Variants in SLC66A2 observed in about 807,000 individuals in gnomAD.
SLC66A2 encodes PQ loop repeat containing 1.
SLC66A2 carries 23 observed loss-of-function variants against 25.5 expected under a neutral mutation model. The observed-to-expected ratio is 0.90, with a 90% CI of 0.65 to 1.28. SLC66A2 has a LOEUF of 1.28. Ranked by LOEUF, SLC66A2 falls within the 50% of genes most tolerant of loss-of-function variation. The pLI, the probability that SLC66A2 is intolerant of heterozygous loss-of-function variation, is 0.00. For synonymous variants in SLC66A2, 193 were observed against 166.5 expected, an observed-to-expected ratio of 1.16 and a Z score of -1.23; for missense variants, 396 against 373.1, an observed-to-expected ratio of 1.06 and a Z score of -0.51.
rs12953501 is a variant in SLC66A2 at position 79,917,393 on chromosome 18, C to T, written c.608+1791G>A. On this transcript the variant is annotated intron_variant, in intron 5 of 5. Coordinates refer to ENST00000397778, the MANE Select transcript of SLC66A2 (RefSeq NM_025078.5). The surrounding 1 kb of genome is among the most constrained non-coding windows in gnomAD (Gnocchi z 6.0). ...AGCTCCTTGTGAGGGGCCAGGAGGC[C>T]GGCATGTGGGGTCCGGATCCGCTAG... Among the ~76,000 whole-genome samples the T allele has an allele frequency of 0.042, 6,366 of 152,264 alleles. 193 individuals are homozygous for T. The highest frequency in any genetic ancestry group is 0.061 in the Non-Finnish European group (4,156 of 67,972).
At position 79,917,011 on chromosome 18, in the gene SLC66A2, C is replaced by T. The variant is rs370554982; in HGVS notation, c.608+2173G>A. On this transcript the variant is annotated intron_variant, in intron 5 of 5. Coordinates refer to ENST00000397778, the MANE Select transcript of SLC66A2 (RefSeq NM_025078.5). The surrounding 1 kb of genome is among the most constrained non-coding windows in gnomAD (Gnocchi z 6.0). ...GACTGCCTGCTCGGTGCTGGGGAGA[C>T]GCCTGCACATGGAAGTGTGTGTGCT... 1.4e-4 allele frequency among the ~76,000 whole-genome samples: 21 copies of T among 152,354 alleles called. No individual in the cohort carries two copies. Among genetic ancestry groups the T allele is most frequent in the African/African-American group, 3.6e-4 (15 of 41,590 alleles).
At chr18:79,922,309 C>T (rs1251733260) in intron 4 of SLC66A2, among the ~76,000 whole-genome samples, 12 of 151,346 alleles carry the variant, frequency 7.9e-5, no homozygotes. Context: ...AAGCTAAAAT[C>T]CTTCAAATTA....
At position 79,950,853 on chromosome 18, in the gene SLC66A2, A is replaced by G. The variant is rs983067581; in HGVS notation, c.74T>C (p.Met25Thr). 2.5e-6 allele frequency: 4 copies of G among 1,610,738 alleles called. No homozygotes were observed. The highest frequency in any genetic ancestry group is 3.4e-6 in the Non-Finnish European group (4 of 1,179,116). Residue 25 changes from methionine (M) to threonine (T), a missense_variant, in exon 2 of 6, where the codon ATG (methionine) becomes ACG (threonine). Met to Thr is a moderately conservative substitution (Grantham distance 81). Coordinates refer to ENST00000397778, the MANE Select transcript of SLC66A2 (RefSeq NM_025078.5). Reference protein sequence around the residue: ...QLVSWGAAAAMVFGGVVPYVP... With the variant: ...QLVSWGAAAATVFGGVVPYVP... Reference sequence around the variant, plus strand: ...GTAGGGCACCACCCCTCCGAAGACCATGGCCGCGGCCGCGCCCCAGGACAC... The same window carrying G: ...GTAGGGCACCACCCCTCCGAAGACCGTGGCCGCGGCCGCGCCCCAGGACAC...
chr18:79,909,879 C>T (rs1328902240), intron 5 of SLC66A2, among the ~76,000 whole-genome samples: 1 of 143,452 alleles, frequency 7.0e-6, no homozygotes, highest in Non-Finnish European at 1.5e-5. Context: ...ACAGAGTCCC[C>T]AACCTTCCCC....
Position 79,937,409 on chromosome 18 carries a change from G to A in SLC66A2, c.338-3387C>T, listed in dbSNP as rs1012968268. On this transcript the variant is annotated intron_variant, in intron 3 of 5. Transcript: ENST00000397778. The surrounding 1 kb of genome is among the most constrained non-coding windows in gnomAD (Gnocchi z 5.4). ...GTAATAATCCAGTAACACACCAAAC[G>A]TCCAACTCACATGTTCAGAATGACT... Among the ~76,000 whole-genome samples the A allele has an allele frequency of 3.3e-5, 5 of 152,246 alleles. No homozygotes were observed. The highest frequency in any genetic ancestry group is 1.2e-4 in the African/African-American group (5 of 41,538).
rs567750122 is a variant in SLC66A2 at position 79,909,890 on chromosome 18, A to AC, written c.609-5708dup. Among the ~76,000 whole-genome samples the AC allele has an allele frequency of 9.4e-5, 9 of 96,084 alleles. No individual in the cohort carries two copies. The South Asian group carries it at 1.6e-3, about 17-fold the overall frequency. 63.0% of individuals were successfully genotyped at this position (96,084 alleles called of 152,430 possible). On this transcript the variant is annotated intron_variant, in intron 5 of 5. Coordinates refer to ENST00000397778, the MANE Select transcript of SLC66A2 (RefSeq NM_025078.5). ...CACCACAGAGTCCCCAACCTTCCCC[A>AC]CACCCTCACCATAGAGTCCCCAACC...
rs564745851 is a variant in SLC66A2 at position 79,926,681 on chromosome 18, T to C, written c.392-7281A>G. Among the ~76,000 whole-genome samples the C allele has an allele frequency of 2.2e-3, 334 of 151,624 alleles. 1 individual carries two copies. The highest frequency in any genetic ancestry group is 4.4e-3 in the Non-Finnish European group (296 of 67,872). ...TGCTCTTTTTTTTTTTTCATGATTC[T>C]TGTATGAATTCTAATTAAGAAACAT... On this transcript the variant is annotated intron_variant, in intron 4 of 5. Transcript: ENST00000397778.
chr18:79,939,536 A>C (rs895968741), intron 3 of SLC66A2, among the ~76,000 whole-genome samples: 7 of 152,264 alleles, frequency 4.6e-5, no homozygotes, highest in African/African-American at 1.7e-4. Context: ...TAAATTTACA[A>C]GAAAAAAATG....
At chr18:79,905,781 C>T (rs1262696859) in intron 5 of SLC66A2, among the ~76,000 whole-genome samples, 3 of 152,234 alleles carry the variant, frequency 2.0e-5, no homozygotes, top group Non-Finnish European at 4.4e-5. Context: ...GGCTACTTCC[C>T]ACACAAAGCC....
rs1568283747 is a variant in SLC66A2, at chr18:79,903,685, G to T, written c.*291C>A. On this transcript the variant is annotated 3_prime_UTR_variant, in exon 6 of 6. Transcript: ENST00000397778. ...CCAATGTGTACCTTGGGCTCAGACG[G>T]TGTTTCATAAGAGGAAATGGGGAAA... 2 of 439,398 alleles carry T rather than the reference G, an allele frequency of 4.6e-6. No homozygotes were observed. The highest frequency in any genetic ancestry group is 8.0e-6 in the Non-Finnish European group (2 of 249,706). The allele number at this position is 439,398 out of a possible 1,614,324, so 27.2% of individuals were successfully genotyped here.
chr18:79,914,316 C>G (rs745828179), intron 5 of SLC66A2, among the ~76,000 whole-genome samples: 2 of 152,214 alleles, frequency 1.3e-5, no homozygotes, highest in Non-Finnish European at 2.9e-5. Flanking sequence ...ATCTATCAAA[C>G]CTGCATTCAG....
intron 5 of SLC66A2, among the ~76,000 whole-genome samples, chr18:79,916,256 A>ACCT (rs1984123069): frequency 6.4e-5 from 3 of 46,844 alleles, no homozygotes; most frequent in Non-Finnish European, 1.2e-4. Flanking sequence ...GTGCTCTCAT[A>ACCT]GCCGCAGTGC....
In SLC66A2 at chr18:79,950,814, C is replaced by T. The variant is rs1478293523; in HGVS notation, c.113G>A (p.Arg38Gln). ...GGVVPYVPQY[R>Q]DIRRTQNADG... is the part of the protein sequence containing the mutation. ...GGCGTTCTGCGTCCTGCGAATGTCC[C>T]GATACTGCGGGACGTAGGGCACCAC... The change falls in exon 2 of 6, where the codon CGG becomes CAG. Residue 38 changes from arginine (R) to glutamine (Q), a missense_variant. Coordinates refer to ENST00000397778, the MANE Select transcript of SLC66A2 (RefSeq NM_025078.5). The T allele has an allele frequency of 1.2e-6, 2 of 1,612,852 alleles. No individual in the cohort carries two copies. Among genetic ancestry groups the T allele is most frequent in the African/African-American group, 2.7e-5 (2 of 74,946 alleles).
intron 4 of SLC66A2, among the ~76,000 whole-genome samples, chr18:79,922,785 T>A (rs1221160791): frequency 2.5e-5 from 3 of 117,824 alleles, no homozygotes; most frequent in African/African-American, 9.5e-5. Flanking sequence ...TGGGAGGCGG[T>A]GAGGTCGAGG....
chr18:79,948,621 G>C (rs1396859272), intron 2 of SLC66A2, among the ~76,000 whole-genome samples: 1 of 152,140 alleles, frequency 6.6e-6, no homozygotes, highest in Non-Finnish European at 1.5e-5. Context: ...AATTACAGGA[G>C]CGGGCCACCG....
rs111375802 is a variant in SLC66A2, at chr18:79,933,867, C to T, written c.391+102G>A. The T allele has an allele frequency of 6.6e-5, 66 of 992,954 alleles. 1 individual carries two copies. Among genetic ancestry groups the T allele is most frequent in the African/African-American group, 5.0e-4 (31 of 62,402 alleles). The allele number at this position is 992,954 out of a possible 1,614,324, so 61.5% of individuals were successfully genotyped here. ...ACTCGGCCACGCTTGGTAAAGATGACGCACGCACATGCACAGATGGAAGCA... is the reference window on the plus strand; with the variant it reads ...ACTCGGCCACGCTTGGTAAAGATGATGCACGCACATGCACAGATGGAAGCA... On this transcript the variant is annotated intron_variant, in intron 4 of 5. Transcript: ENST00000397778.
intron 3 of SLC66A2, among the ~76,000 whole-genome samples, chr18:79,943,021 G>A (rs1464283711): frequency 6.6e-6 from 1 of 152,214 alleles, no homozygotes; most frequent in Middle Eastern, 3.2e-3. Context: ...GCCAGGCACA[G>A]ATGAGCACTT....
chr18:79,922,911 T>C (rs1207202190), intron 4 of SLC66A2, among the ~76,000 whole-genome samples: 1 of 150,360 alleles, frequency 6.7e-6, no homozygotes, highest in East Asian at 2.0e-4. Context: ...GGGGGCCGGC[T>C]GCCTGTGGGG....
rs565426699 is a variant in SLC66A2 at position 79,943,452 on chromosome 18, G to T, written c.214C>A (p.Arg72Ser). ...TGCCACAGCAGCGGGGACTCAAAGC[G>T]CCTTCCAAACCTGCGGGAGAGACAC... ...ILRILFWFGRRFESPLLWQSA... is the reference protein window; with the variant it reads ...ILRILFWFGRSFESPLLWQSA... The change falls in exon 3 of 6, where the codon CGC becomes AGC. Residue 72 changes from arginine (R) to serine (S), a missense_variant. Transcript: ENST00000397778. 6.2e-7 allele frequency: 1 copy of T among 1,613,830 alleles called. No individual in the cohort carries two copies. The highest frequency in any genetic ancestry group is 1.7e-5 in the Admixed American group (1 of 59,976).
Sources: gnomAD v4.1 joint callset for allele counts (sites outside exome capture counted in the v4.1 genomes callset) on GRCh38, gnomAD v4.1.1 for gene constraint, Gnocchi (gnomAD v3.1) non-coding constraint, MANE v1.5 for transcripts, NCBI Gene and HGNC (gene_info 2026-07-23, HGNC 2026-07-21) for gene names.